The following TRIO variants were observed in gnomAD, a reference collection of about 807,000 sequenced individuals.
TRIO encodes the protein trio Rho guanine nucleotide exchange factor.
Under a neutral mutation model 351.9 loss-of-function variants are expected in TRIO, and 58 were observed. The observed-to-expected ratio is 0.16, with a 90% CI of 0.13 to 0.21. The LOEUF (loss-of-function observed/expected upper bound fraction) is 0.21. Among genes scored for constraint, TRIO ranks in the 10% least tolerant of loss-of-function variants. TRIO has a pLI of 1.00. For missense variants in TRIO, 3,201 were observed against 4,027.8 expected, an observed-to-expected ratio of 0.79 and a Z score of 5.56; for synonymous variants, 1,758 against 1,595.7, an observed-to-expected ratio of 1.10 and a Z score of -2.42.
At chr5:14,303,049 T>A (rs1214745639) in intron 7 of TRIO, among the ~76,000 whole-genome samples, 1 of 149,316 alleles carries the variant, frequency 6.7e-6, no homozygotes, top group Non-Finnish European at 1.5e-5. Context: ...GGACCGTTGA[T>A]GATCCTGGAG....
intron 9 of TRIO, among the ~76,000 whole-genome samples, chr5:14,326,270 G>T (rs552630497): frequency 6.6e-6 from 1 of 152,216 alleles, no homozygotes. Flanking sequence ...TCAAATGACC[G>T]TAATCATGCC....
At chr5:14,209,682 A>G (rs1791762522) in intron 1 of TRIO, among the ~76,000 whole-genome samples, 1 of 152,214 alleles carries the variant, frequency 6.6e-6, no homozygotes, top group African/African-American at 2.4e-5. Context: ...TCCGTGGTCT[A>G]GAGGAACTCT....
chr5:14,336,863 A>G (rs775572211), intron 11 of TRIO, 136 bp downstream of exon 11: 5 of 914,262 alleles, frequency 5.5e-6, no homozygotes, highest in Non-Finnish European at 8.3e-6. Context: ...ATTAGTGCTG[A>G]GTGTGTCTGC....
chr5:14,229,936 G>A (rs958325391), intron 1 of TRIO, among the ~76,000 whole-genome samples: 4 of 152,172 alleles, frequency 2.6e-5, no homozygotes, highest in Admixed American at 2.0e-4. Context: ...GTCTTGCTGT[G>A]AAAAAAGAAA....
intron 11 of TRIO, among the ~76,000 whole-genome samples, chr5:14,338,318 G>A (rs370278902): frequency 7.9e-5 from 12 of 152,262 alleles, no homozygotes; most frequent in African/African-American, 2.6e-4. Flanking sequence ...CATAGACCAC[G>A]TTTTTCCTTG....
At chr5:14,498,276 G>GT in intron 52 of TRIO, 25 bp downstream of exon 52, 1 of 1,606,682 alleles carries the variant, frequency 6.2e-7, no homozygotes, top group Non-Finnish European at 8.5e-7. Flanking sequence ...CTCCTGGTGG[G>GT]TTTCGCTGGC....
intron 34 of TRIO, among the ~76,000 whole-genome samples, chr5:14,454,244 T>C (rs1753071005): frequency 1.3e-5 from 2 of 152,126 alleles, no homozygotes; most frequent in African/African-American, 4.8e-5. Flanking sequence ...TGATCTTTCA[T>C]GGTATTTCTC....
rs755370538 is a variant in TRIO, at chr5:14,368,875, C to T, written c.3042C>T (p.Val1014=). 49 of 1,614,004 alleles carry T rather than the reference C, an allele frequency of 3.0e-5. No homozygotes were observed. The highest frequency in any genetic ancestry group is 1.6e-4 in the Middle Eastern group (1 of 6,084). Residue 1014 remains valine, a synonymous_variant, in exon 17 of 57, where the codon GTC becomes GTT. Coordinates refer to ENST00000344204, the MANE Select transcript of TRIO (RefSeq NM_007118.4). ...GCCTCAAGCTCGTCAACGCCTCTGTCGCTTTCTACAAAACCTCAGAGCAGG... is the reference window on the plus strand; with the variant it reads ...GCCTCAAGCTCGTCAACGCCTCTGTTGCTTTCTACAAAACCTCAGAGCAGG... ...EDRLKLVNAS[V]AFYKTSEQVC...
intron 3 of TRIO, among the ~76,000 whole-genome samples, chr5:14,281,424 A>ACCCCCCCCCCCCCCCCCCCCCCCCCCCCC (rs3061076): frequency 1.1e-5 from 1 of 89,336 alleles, no homozygotes; most frequent in Non-Finnish European, 2.2e-5. Context: ...AGCCGTTAGA[A>ACCCCCCCCCCCCCCCCCCCCCCCCCCCCC]CCCCCCCCCC....
chr5:14,393,885 A>G (rs1747328181), intron 27 of TRIO, among the ~76,000 whole-genome samples, 153 bp from the exon 28 acceptor site: 1 of 152,222 alleles, frequency 6.6e-6, no homozygotes, highest in Non-Finnish European at 1.5e-5. Context: ...TGTGTTAATA[A>G]TTTAAAAGCC....
intron 34 of TRIO, among the ~76,000 whole-genome samples, chr5:14,455,934 C>A (rs371580886): frequency 6.6e-6 from 1 of 152,246 alleles, no homozygotes; most frequent in East Asian, 1.9e-4. Flanking sequence ...CCGGGCGCTG[C>A]GGAGGCTCAG....
In TRIO at chr5:14,482,554, C is replaced by A. The variant is rs755842868; in HGVS notation, c.6466-28C>A. 2.1e-6 allele frequency: 3 copies of A among 1,409,794 alleles called. No homozygotes were observed. The South Asian group carries it at 5.3e-5, about 25-fold the overall frequency. 87.3% of individuals were successfully genotyped at this position (1,409,794 alleles called of 1,614,324 possible). On this transcript the variant is annotated intron_variant, in intron 45 of 56. Coordinates refer to ENST00000344204, the MANE Select transcript of TRIO (RefSeq NM_007118.4). ...GAAGGCAATGTTTTCTTCTCCCCTT[C>A]CTTTTCCCCCTTTATTTCTTGTTTT...
chr5:14,189,872 C>T (rs991167811), intron 1 of TRIO, among the ~76,000 whole-genome samples: 1 of 151,796 alleles, frequency 6.6e-6, no homozygotes, highest in Non-Finnish European at 1.5e-5. Context: ...ATAGGCGCAT[C>T]CCACCATGCC....
At position 14,369,534 on chromosome 5, in the gene TRIO, C is replaced by T. The variant is rs2289848; in HGVS notation, c.3216+11C>T. ...GAGGCATTCCTGAAGGTAGGGGCAG[C>T]GCTGCGGGACAGTGCACCCATCAGA... On this transcript the variant is annotated intron_variant, in intron 18 of 56. Transcript: ENST00000344204. 1.5e-4 allele frequency: 241 copies of T among 1,610,972 alleles called. No individual in the cohort carries two copies. In the East Asian group the frequency reaches 2.3e-3, roughly 16 times the overall value.
chr5:14,465,728 T>C, intron 37 of TRIO, 88 bp downstream of exon 37: 1 of 1,427,346 alleles, frequency 7.0e-7, no homozygotes, highest in Non-Finnish European at 9.7e-7. Flanking sequence ...TGTATTGCTC[T>C]GGGCTGCAGA....
intron 1 of TRIO, among the ~76,000 whole-genome samples, chr5:14,180,526 G>A (rs1196540284): frequency 6.6e-6 from 1 of 152,172 alleles, no homozygotes; most frequent in African/African-American, 2.4e-5. Context: ...TGTTAGAAGT[G>A]TCTGATCTTT....
rs759703856 is a variant in TRIO at position 14,397,033 on chromosome 5, A to G, written c.4312-10A>G. ...AGTCTTTACCTAGTTTCTGTTGTTT[A>G]TCTTTGCAGGAGCTGCTGACGTGCT... is the stretch of plus-strand genomic sequence containing the variant. On this transcript the variant is annotated splice_polypyrimidine_tract_variant and intron_variant, in intron 28 of 56. Coordinates refer to ENST00000344204, the MANE Select transcript of TRIO (RefSeq NM_007118.4). 2 of 1,592,892 alleles carry G rather than the reference A, an allele frequency of 1.3e-6. No individual in the cohort carries two copies. Among genetic ancestry groups the G allele is most frequent in the Non-Finnish European group, 1.7e-6 (2 of 1,170,824 alleles).
rs552797933 is a variant in TRIO, at chr5:14,415,074, T to C, written c.4960-4704T>C. ...ACCTTCACGGAACCGCAAGACCCTT[T>C]TGTGAGGTTTCTGAATGACTGAACT... On this transcript the variant is annotated intron_variant, in intron 33 of 56. Transcript: ENST00000344204. 1.8e-3 allele frequency among the ~76,000 whole-genome samples: 278 copies of C among 152,308 alleles called. 2 individuals carry two copies. Among genetic ancestry groups the C allele is most frequent in the African/African-American group, 6.2e-3 (259 of 41,556 alleles).
intron 1 of TRIO, among the ~76,000 whole-genome samples, chr5:14,191,560 A>G (rs1332359721): frequency 2.0e-5 from 3 of 149,380 alleles, no homozygotes; most frequent in African/African-American, 4.9e-5. Flanking sequence ...AAAAAGTGGT[A>G]GTAGTAGTAC....
Sources: allele counts gnomAD v4.1 joint callset (sites outside exome capture counted in the v4.1 genomes callset), GRCh38; gene constraint gnomAD v4.1.1; transcripts MANE v1.5; gene names NCBI Gene and HGNC (gene_info 2026-07-23, HGNC 2026-07-21).